The following NFKB1 variants were observed in gnomAD, a reference collection of about 807,000 sequenced individuals.
NFKB1 encodes nuclear factor NF-kappa-B p105 subunit.
In NFKB1, 9 loss-of-function variants were observed where a neutral mutation model predicts 105.1. The observed-to-expected ratio is 0.09, with a 90% CI of 0.05 to 0.15. The LOEUF is 0.15. NFKB1 is among the 10% of genes least tolerant of loss of function. The pLI, the probability that NFKB1 is intolerant of heterozygous loss-of-function variation, is 1.00. For synonymous variants in NFKB1, 440 were observed against 442.2 expected (o/e 1.00, Z 0.06); for missense variants, 830 against 1,203.7 (o/e 0.69, Z 4.59).
intron 4 of NFKB1, among the ~76,000 whole-genome samples, chr4:102,536,072 G>A (rs1351088700): frequency 6.6e-6 from 1 of 152,034 alleles, no homozygotes; most frequent in Non-Finnish European, 1.5e-5. Flanking sequence ...AACTCAAGTT[G>A]TGTTTAAATT....
intron 2 of NFKB1, 112 bp downstream of exon 2, chr4:102,525,669 T>C: frequency 2.1e-6 from 2 of 958,244 alleles, no homozygotes; most frequent in South Asian, 1.7e-5. Flanking sequence ...TTAGTAAATT[T>C]TTTTTTAATT....
chr4:102,554,408 A>G (rs964685658), intron 5 of NFKB1, among the ~76,000 whole-genome samples: 1 of 152,200 alleles, frequency 6.6e-6, no homozygotes, highest in Non-Finnish European at 1.5e-5. Flanking sequence ...ACATTCTTCC[A>G]TTATACCGAA....
chr4:102,608,544 A>G (rs1314688601), intron 19 of NFKB1, among the ~76,000 whole-genome samples: 2 of 152,176 alleles, frequency 1.3e-5, no homozygotes, highest in African/African-American at 4.8e-5. Context: ...AGTATAGAAA[A>G]TTATCCATGC....
intron 9 of NFKB1, among the ~76,000 whole-genome samples, chr4:102,582,008 C>G (rs564161321): frequency 6.6e-6 from 1 of 152,056 alleles, no homozygotes; most frequent in Admixed American, 6.5e-5. Context: ...TTCTATGAAA[C>G]GGAAAGTGAA....
chr4:102,533,773 C>T (rs962567301), intron 3 of NFKB1, 72 bp from the exon 4 acceptor site: 1 of 1,292,088 alleles, frequency 7.7e-7, no homozygotes, highest in Non-Finnish European at 1.1e-6. Context: ...TTTTTACTTG[C>T]TTTACGTTTT....
In NFKB1 at chr4:102,616,704, C is replaced by G. The variant is rs1282374682; in HGVS notation, c.*110C>G. On this transcript the variant is annotated 3_prime_UTR_variant, in exon 24 of 24. Transcript: ENST00000226574. Reference sequence around the variant, plus strand: ...AAAGGTGCTCAGAGAGCCGGCCCGCCTGAATCATTCTCGATTTAACTCGAG... The same window carrying G: ...AAAGGTGCTCAGAGAGCCGGCCCGCGTGAATCATTCTCGATTTAACTCGAG... 6.4e-6 allele frequency: 7 copies of G among 1,087,186 alleles called. No individual in the cohort carries two copies. Among genetic ancestry groups the G allele is most frequent in the Non-Finnish European group, 9.1e-6 (7 of 769,386 alleles). 67.3% of individuals were successfully genotyped at this position (1,087,186 alleles called of 1,614,324 possible).
At chr4:102,542,293 G>A (rs931724784) in intron 5 of NFKB1, among the ~76,000 whole-genome samples, 1 of 152,216 alleles carries the variant, frequency 6.6e-6, no homozygotes, top group East Asian at 1.9e-4. Context: ...TGCTCTGCCT[G>A]TGTCTTTCAC....
At chr4:102,519,734 A>G (rs1337581126) in intron 1 of NFKB1, among the ~76,000 whole-genome samples, 2 of 152,192 alleles carry the variant, frequency 1.3e-5, no homozygotes, top group Non-Finnish European at 2.9e-5. Context: ...CCTCCTAAAC[A>G]ACTGAAAGAA....
intron 6 of NFKB1, among the ~76,000 whole-genome samples, chr4:102,570,901 A>G (rs1006984727): frequency 6.6e-6 from 1 of 152,196 alleles, no homozygotes; most frequent in African/African-American, 2.4e-5. Context: ...GAAAATGGCC[A>G]TACTGCCCAA....
chr4:102,587,629 T>G (rs766575805), intron 11 of NFKB1, among the ~76,000 whole-genome samples: 23 of 152,170 alleles, frequency 1.5e-4, no homozygotes, highest in Non-Finnish European at 3.2e-4. Context: ...TGCACCTGTA[T>G]GCTTCATGCA....
chr4:102,604,688 T>TAGAC (rs1445190617), intron 16 of NFKB1, among the ~76,000 whole-genome samples: 1 of 151,724 alleles, frequency 6.6e-6, no homozygotes, highest in Non-Finnish European at 1.5e-5. Flanking sequence ...TTCCTAGTAG[T>TAGAC]AGACATTTAA....
At chr4:102,506,868 T>C (rs923229779) in intron 1 of NFKB1, among the ~76,000 whole-genome samples, 2 of 151,692 alleles carry the variant, frequency 1.3e-5, no homozygotes, top group African/African-American at 4.8e-5. Flanking sequence ...AGTTAAAAGT[T>C]AGTTACATAT....
chr4:102,579,144 T>A, intron 8 of NFKB1, 105 bp downstream of exon 8: 2 of 1,170,034 alleles, frequency 1.7e-6, no homozygotes, highest in Non-Finnish European at 2.4e-6. Context: ...TTAATCACTT[T>A]AAGCCTCAGC....
chr4:102,559,796 A>C (rs1464915224), intron 5 of NFKB1, among the ~76,000 whole-genome samples: 1 of 151,592 alleles, frequency 6.6e-6, no homozygotes, highest in African/African-American at 2.4e-5. Context: ...AAAATTAACC[A>C]GGTGTGGTGG....
Position 102,612,518 on chromosome 4 carries a change from C to T in NFKB1, c.2504C>T (p.Thr835Ile). The T allele has an allele frequency of 1.2e-6, 2 of 1,614,034 alleles. No homozygotes were observed. Among genetic ancestry groups the T allele is most frequent in the Non-Finnish European group, 1.7e-6 (2 of 1,180,000 alleles). Residue 835 changes from threonine (T) to isoleucine (I), a missense_variant, in exon 22 of 24, where the codon ACT becomes ATT. Physicochemically the swap from Thr to Ile is moderately conservative, Grantham distance 89. Transcript: ENST00000226574. ...EIPDPDKNWA[T>I]LAQKLGLGIL... Reference sequence around the variant, plus strand: ...CCTGATCCAGACAAAAACTGGGCTACTCTGGCGCAGAAATTAGGTCTGGGG... The same window carrying T: ...CCTGATCCAGACAAAAACTGGGCTATTCTGGCGCAGAAATTAGGTCTGGGG...
In NFKB1 at chr4:102,532,662, T is replaced by C. The variant is rs1237733744; in HGVS notation, c.119-1183T>C. On this transcript the variant is annotated intron_variant, in intron 3 of 23. Coordinates refer to ENST00000226574, the MANE Select transcript of NFKB1 (RefSeq NM_003998.4). ...TAAAAAAAATTTTGAGAAAATTCTC[T>C]TTTGTGTTATAGTTTATTTTTAATT... Among the ~76,000 whole-genome samples the C allele has an allele frequency of 3.3e-5, 5 of 152,100 alleles. No individual in the cohort carries two copies. The East Asian group carries it at 5.8e-4, about 18-fold the overall frequency.
intron 5 of NFKB1, among the ~76,000 whole-genome samples, chr4:102,555,118 T>G (rs1722889788): frequency 1.3e-5 from 2 of 152,176 alleles, no homozygotes; most frequent in South Asian, 4.1e-4. Flanking sequence ...ACTCAACTTT[T>G]GCTAGGACTT....
chr4:102,599,205 A>G (rs1726918883), intron 15 of NFKB1, among the ~76,000 whole-genome samples: 1 of 152,216 alleles, frequency 6.6e-6, no homozygotes, highest in East Asian at 1.9e-4. Flanking sequence ...TTTTAGAAGT[A>G]TGACCTTTTT....
intron 1 of NFKB1, among the ~76,000 whole-genome samples, chr4:102,519,732 ACAACT>A (rs774027234): frequency 2.6e-5 from 4 of 152,202 alleles, no homozygotes; most frequent in Non-Finnish European, 5.9e-5. Context: ...TGCCTCCTAA[ACAACT>A]GAAAGAACCA....
Sources: gnomAD v4.1 joint callset for allele counts (sites outside exome capture counted in the v4.1 genomes callset) on GRCh38, gnomAD v4.1.1 for gene constraint, MANE v1.5 for transcripts, NCBI Gene and HGNC (gene_info 2026-07-23, HGNC 2026-07-21) for gene names.